TMEM132D: variants seen among roughly 807,000 people sequenced by gnomAD.
TMEM132D encodes mature OL transmembrane protein.
A neutral mutation model predicts 62.3 loss-of-function variants in TMEM132D; 21 were observed. That is an observed-to-expected ratio of 0.34 (90% confidence interval 0.24 to 0.49). The LOEUF (loss-of-function observed/expected upper bound fraction) is 0.49, where lower values mean the gene tolerates loss of function less well. Ranked by LOEUF, TMEM132D falls within the 20% of genes least tolerant of loss-of-function variation. TMEM132D has a pLI of 0.99. For synonymous variants in TMEM132D, 621 were observed against 575.6 expected (o/e 1.08, Z -1.13); for missense variants, 1,346 against 1,402.8 (o/e 0.96, Z 0.65).
In TMEM132D at chr12:129,480,218, C is replaced by T. The variant is rs562928128; in HGVS notation, c.1115+50841G>A. ...GTGTGCAAGGGAGAGGAAGAAGGTG[C>T]ATGGAGCTGCAGAGGGGTGCAGGGG... On this transcript the variant is annotated intron_variant, in intron 3 of 8. Transcript: ENST00000422113. Among the ~76,000 whole-genome samples, 5 of 152,340 alleles carry T rather than the reference C, an allele frequency of 3.3e-5. No homozygotes were observed. In the East Asian group the frequency reaches 9.7e-4, roughly 29 times the overall value.
At chr12:129,648,087 C>T (rs1879832464) in intron 2 of TMEM132D, among the ~76,000 whole-genome samples, 2 of 152,172 alleles carry the variant, frequency 1.3e-5, no homozygotes, top group South Asian at 4.1e-4. Flanking sequence ...TTATAAATTA[C>T]GGCTCAGGAG....
At chr12:129,832,035 CTTTTTTTTTTT>C (rs71085577) in intron 1 of TMEM132D, among the ~76,000 whole-genome samples, 69 of 94,146 alleles carry the variant, frequency 7.3e-4, no homozygotes, top group Middle Eastern at 0.011. Context: ...ATGCCCGGCT[CTTTTTTTTTTT>C]TTTTTTTTTT....
chr12:129,516,491 A>G (rs572592321), intron 3 of TMEM132D, among the ~76,000 whole-genome samples: 41 of 151,622 alleles, frequency 2.7e-4, no homozygotes, highest in South Asian at 1.0e-3. Context: ...GGTGGCAGAC[A>G]GGAGAGAAAA....
intron 4 of TMEM132D, among the ~76,000 whole-genome samples, chr12:129,317,154 G>C (rs138260088): frequency 6.6e-6 from 1 of 152,146 alleles, no homozygotes; most frequent in Middle Eastern, 3.2e-3. Flanking sequence ...AGGTACCCTC[G>C]CATTCATCAT....
At chr12:129,559,236 C>T (rs1033539446) in intron 2 of TMEM132D, among the ~76,000 whole-genome samples, 7 of 152,154 alleles carry the variant, frequency 4.6e-5, no homozygotes, top group African/African-American at 1.7e-4. Context: ...AGTTCTTTAA[C>T]TCTAGGTATT....
chr12:129,349,011 G>A (rs1343531061), intron 3 of TMEM132D, among the ~76,000 whole-genome samples: 1 of 152,208 alleles, frequency 6.6e-6, no homozygotes, highest in Non-Finnish European at 1.5e-5. Flanking sequence ...CTGTCAAGGG[G>A]ACAGATGGAC....
chr12:129,577,470 C>A (rs1307819551), intron 2 of TMEM132D, among the ~76,000 whole-genome samples: 7 of 149,976 alleles, frequency 4.7e-5, no homozygotes, highest in Admixed American at 4.7e-4. Flanking sequence ...TTCAACACTG[C>A]ATCTTTACAT....
intron 5 of TMEM132D, among the ~76,000 whole-genome samples, chr12:129,164,044 G>T (rs187094785): frequency 2.6e-4 from 39 of 152,184 alleles, no homozygotes; most frequent in African/African-American, 9.2e-4. Context: ...CAAATACTGT[G>T]CATGACTTTC....
At chr12:129,268,930 A>AGG (rs1193310074) in intron 4 of TMEM132D, among the ~76,000 whole-genome samples, 1 of 150,158 alleles carries the variant, frequency 6.7e-6, no homozygotes, top group Non-Finnish European at 1.5e-5. Flanking sequence ...CAAAAAACCA[A>AGG]ACACTGCATG....
intron 1 of TMEM132D, among the ~76,000 whole-genome samples, chr12:129,825,241 C>T (rs1036936394): frequency 6.6e-6 from 1 of 151,522 alleles, no homozygotes; most frequent in African/African-American, 2.4e-5. Flanking sequence ...TGGTCTTGAA[C>T]TCCTGACCTC....
chr12:129,725,621 G>A (rs1869005195), intron 1 of TMEM132D, among the ~76,000 whole-genome samples: 2 of 152,236 alleles, frequency 1.3e-5, no homozygotes, highest in Non-Finnish European at 2.9e-5. Context: ...GTTTCACAGT[G>A]TACGTATGTG....
chr12:129,465,897 G>A (rs1306319579), intron 3 of TMEM132D, among the ~76,000 whole-genome samples: 1 of 152,112 alleles, frequency 6.6e-6, no homozygotes, highest in East Asian at 1.9e-4. Flanking sequence ...TGGCCAGGCT[G>A]GTGTCGAATT....
intron 1 of TMEM132D, among the ~76,000 whole-genome samples, chr12:129,798,846 G>C (rs75815897): frequency 6.6e-6 from 1 of 152,214 alleles, no homozygotes; most frequent in Non-Finnish European, 1.5e-5. Context: ...GGCTTGAGCA[G>C]AAGTTGCAAG....
chr12:129,800,379 A>G (rs1167951339), intron 1 of TMEM132D, among the ~76,000 whole-genome samples: 3 of 152,092 alleles, frequency 2.0e-5, no homozygotes, highest in Non-Finnish European at 4.4e-5. Context: ...CAAAGGAAAA[A>G]AAAAAAAGGG....
intron 1 of TMEM132D, among the ~76,000 whole-genome samples, chr12:129,893,300 TACA>T (rs1312176483): frequency 3.3e-5 from 5 of 152,176 alleles, no homozygotes; most frequent in African/African-American, 1.2e-4. Context: ...TGAATGAAAG[TACA>T]ACATTTAGAA....
intron 3 of TMEM132D, among the ~76,000 whole-genome samples, chr12:129,497,028 C>T (rs1331466054): frequency 6.6e-6 from 1 of 152,118 alleles, no homozygotes; most frequent in Non-Finnish European, 1.5e-5. Flanking sequence ...ATATTGCTGG[C>T]CGGGCGCAGT....
At position 129,337,653 on chromosome 12, in the gene TMEM132D, C is replaced by T. The variant is rs2135657903; in HGVS notation, c.1280G>A (p.Gly427Glu). ...GCTTACCATAGCCAGCGGCACAACT[C>T]CAATCAAGTCCTTTGGGCTCACATA... ...KIYVSPKDLIGVVPLAMEAEI... is the reference protein window; with the variant it reads ...KIYVSPKDLIEVVPLAMEAEI... Residue 427 changes from glycine to glutamate, a missense_variant, in exon 4 of 9, where the codon GGA becomes GAA. Physicochemically the swap from Gly to Glu is moderately conservative, Grantham distance 98 (BLOSUM62 -2). Coordinates refer to ENST00000422113, the MANE Select transcript of TMEM132D (RefSeq NM_133448.3). The T allele has an allele frequency of 6.2e-7, 1 of 1,614,070 alleles. No homozygotes were observed. Among genetic ancestry groups the T allele is most frequent in the Non-Finnish European group, 8.5e-7 (1 of 1,179,984 alleles).
intron 1 of TMEM132D, among the ~76,000 whole-genome samples, chr12:129,706,234 T>C (rs562926231): frequency 2.0e-5 from 3 of 152,034 alleles, no homozygotes; most frequent in Non-Finnish European, 4.4e-5. Context: ...AAGCTATAAA[T>C]TGTCTCCAGG....
Position 129,251,396 on chromosome 12 carries a change from G to C in TMEM132D, c.1300-41733C>G, listed in dbSNP as rs1036543484. Among the ~76,000 whole-genome samples the C allele has an allele frequency of 2.0e-5, 3 of 148,016 alleles. No homozygotes were observed. In the East Asian group the frequency reaches 5.9e-4, roughly 29 times the overall value. ...AAAAAAAAAAAAAGAAGAGAGAAAA[G>C]GGAAGCTGTTACGGAGACCCTTGGT... On this transcript the variant is annotated intron_variant, in intron 4 of 8. Coordinates refer to ENST00000422113, the MANE Select transcript of TMEM132D (RefSeq NM_133448.3).
Sources: allele counts gnomAD v4.1 joint callset (sites outside exome capture counted in the v4.1 genomes callset), GRCh38; gene constraint gnomAD v4.1.1; transcripts MANE v1.5; gene names NCBI Gene and HGNC (gene_info 2026-07-23, HGNC 2026-07-21).